Variants in BMP6 observed in about 807,000 individuals in gnomAD.
BMP6 encodes bone morphogenetic protein 6, also known as VG-1-R.
A neutral mutation model predicts 54.1 loss-of-function variants in BMP6; 17 were observed. That is an observed-to-expected ratio of 0.31 (90% CI 0.22 to 0.47). BMP6 has a LOEUF of 0.47. BMP6 is among the 20% of genes least tolerant of loss of function. The pLI is 1.00. For missense variants in BMP6, 720 were observed against 690.4 expected (o/e 1.04, Z -0.48); for synonymous variants, 328 against 291.2 (o/e 1.13, Z -1.28).
chr6:7,862,925 A>G (rs1247150527), intron 4 of BMP6, among the ~76,000 whole-genome samples: 4 of 152,018 alleles, frequency 2.6e-5, no homozygotes, highest in African/African-American at 4.8e-5. Context: ...GCTGGAAGGG[A>G]AGGAAGGTCA....
rs186036144 is a variant in BMP6, at chr6:7,755,780, A to G, written c.664+28161A>G. ...TTTTATTTATCTGAAAAAATTCTCT[A>G]TCTGTGTTGTGGAAAGATATTCACT... On this transcript the variant is annotated intron_variant, in intron 1 of 6. Coordinates refer to ENST00000283147, the MANE Select transcript of BMP6 (RefSeq NM_001718.6). Among the ~76,000 whole-genome samples, 8 of 152,016 alleles carry G rather than the reference A, an allele frequency of 5.3e-5. No homozygotes were observed. The East Asian group carries it at 1.5e-3, about 29-fold the overall frequency.
intron 4 of BMP6, among the ~76,000 whole-genome samples, chr6:7,877,864 G>T (rs1043073383): frequency 6.6e-6 from 1 of 152,108 alleles, no homozygotes; most frequent in Non-Finnish European, 1.5e-5. Context: ...TTCTCTCTCC[G>T]TCGTTTCTCG....
At position 7,726,527 on chromosome 6, in the gene BMP6, C is replaced by T. The variant is rs1761726024; in HGVS notation, c.-429C>T. On this transcript the variant is annotated 5_prime_UTR_variant, in exon 1 of 7. Transcript: ENST00000283147. ...CCGCAGCTCGTGAGCGGCCCCGCTC[C>T]CCGCTGCCCCGGGTCCCACTCAGTC... Among the ~76,000 whole-genome samples, 1 of 152,164 alleles carries T rather than the reference C, an allele frequency of 6.6e-6. No individual in the cohort carries two copies. Among genetic ancestry groups the T allele is most frequent in the South Asian group, 2.1e-4 (1 of 4,834 alleles).
intron 4 of BMP6, among the ~76,000 whole-genome samples, chr6:7,870,037 A>G (rs1561797194): frequency 6.6e-6 from 1 of 152,132 alleles, no homozygotes; most frequent in Non-Finnish European, 1.5e-5. Flanking sequence ...CTCAAGGACA[A>G]GAAGACTCCA....
chr6:7,771,704 A>G (rs952292346), intron 1 of BMP6, among the ~76,000 whole-genome samples: 2 of 152,070 alleles, frequency 1.3e-5, no homozygotes, highest in Middle Eastern at 3.2e-3. Context: ...AGGGTGGTGC[A>G]GGGCAGGCTG....
intron 1 of BMP6, among the ~76,000 whole-genome samples, chr6:7,730,589 T>C (rs753862656): frequency 6.6e-5 from 10 of 152,200 alleles, no homozygotes; most frequent in Non-Finnish European, 1.3e-4. Context: ...TATTTCATCT[T>C]AATCCATGTA....
intron 2 of BMP6, among the ~76,000 whole-genome samples, chr6:7,849,303 G>A (rs1017379099): frequency 5.9e-5 from 9 of 152,188 alleles, no homozygotes; most frequent in African/African-American, 2.2e-4. Context: ...AAACTTTGTT[G>A]ATCTCTTGAC....
chr6:7,745,392 G>A (rs1757331712), intron 1 of BMP6, among the ~76,000 whole-genome samples: 1 of 152,098 alleles, frequency 6.6e-6, no homozygotes, highest in African/African-American at 2.4e-5. Flanking sequence ...TCCCACCCTA[G>A]CCTCCTGAGT....
At chr6:7,731,443 A>T (rs1201808584) in intron 1 of BMP6, among the ~76,000 whole-genome samples, 1 of 152,082 alleles carries the variant, frequency 6.6e-6, no homozygotes, top group African/African-American at 2.4e-5. Flanking sequence ...CCTTGTACTT[A>T]TCACAAGTTT....
At position 7,813,675 on chromosome 6, in the gene BMP6, C is replaced by A. The variant is rs1393473038; in HGVS notation, c.665-31465C>A. 1.2e-3 allele frequency among the ~76,000 whole-genome samples: 121 copies of A among 97,524 alleles called. 34 individuals are homozygous for A. Among genetic ancestry groups the A allele is most frequent in the Non-Finnish European group, 1.5e-3 (72 of 49,024 alleles). 64.0% of individuals were successfully genotyped at this position (97,524 alleles called of 152,430 possible). A position where few individuals can be genotyped will look rare whatever the true frequency, so the allele number is the denominator to read the frequency against. On this transcript the variant is annotated intron_variant, in intron 1 of 6. Coordinates refer to ENST00000283147, the MANE Select transcript of BMP6 (RefSeq NM_001718.6). ...AAAAAAAAAAAAAAAAAAAACCCAC[C>A]AAACCCAGTATAGAAAATATATATT...
chr6:7,842,935 A>G (rs886838106), intron 1 of BMP6, among the ~76,000 whole-genome samples: 10 of 152,234 alleles, frequency 6.6e-5, no homozygotes, highest in Admixed American at 2.0e-4. Flanking sequence ...TAATATTACA[A>G]TTAGGCCTCC....
chr6:7,809,397 C>T (rs1758403163), intron 1 of BMP6, among the ~76,000 whole-genome samples: 2 of 152,092 alleles, frequency 1.3e-5, no homozygotes, highest in African/African-American at 4.8e-5. Flanking sequence ...CTCTTGCACT[C>T]AATCCAGGTT....
At chr6:7,768,024 G>A (rs1757718760) in intron 1 of BMP6, among the ~76,000 whole-genome samples, 2 of 152,138 alleles carry the variant, frequency 1.3e-5, no homozygotes, top group South Asian at 4.1e-4. Context: ...CCCCGCTTGG[G>A]TGGGACAGGA....
chr6:7,771,977 C>T (rs1757795392), intron 1 of BMP6, among the ~76,000 whole-genome samples: 1 of 151,316 alleles, frequency 6.6e-6, no homozygotes, highest in African/African-American at 2.4e-5. Context: ...TTGCTTGAAC[C>T]TGGGAGGTGG....
chr6:7,838,339 G>A (rs1472896488), intron 1 of BMP6, among the ~76,000 whole-genome samples: 1 of 152,096 alleles, frequency 6.6e-6, no homozygotes, highest in African/African-American at 2.4e-5. Context: ...GCATCCATTG[G>A]GGCCCTTGGA....
chr6:7,838,772 C>A (rs1254781951), intron 1 of BMP6, among the ~76,000 whole-genome samples: 5 of 152,042 alleles, frequency 3.3e-5, no homozygotes, highest in Non-Finnish European at 7.4e-5. Context: ...GAAACCTCGT[C>A]TCTACTAAAA....
At chr6:7,727,644 A>T (rs1278424658) in intron 1 of BMP6, 25 bp downstream of exon 1, 1 of 1,502,708 alleles carries the variant, frequency 6.7e-7, no homozygotes, top group Non-Finnish European at 8.8e-7. Context: ...TAACGTAATG[A>T]CGAGAACATT....
At chr6:7,874,013 A>G (rs1194152000) in intron 4 of BMP6, among the ~76,000 whole-genome samples, 1 of 152,100 alleles carries the variant, frequency 6.6e-6, no homozygotes, top group Non-Finnish European at 1.5e-5. Context: ...GTGATCATGC[A>G]GTTTATCATC....
intron 4 of BMP6, among the ~76,000 whole-genome samples, chr6:7,868,682 TG>T (rs1237230235): frequency 6.6e-5 from 10 of 152,350 alleles, no homozygotes; most frequent in Admixed American, 3.3e-4. Flanking sequence ...TCAGGAAAGC[TG>T]GGAAATACAT....
Sources: gnomAD v4.1 joint callset for allele counts (sites outside exome capture counted in the v4.1 genomes callset) on GRCh38, gnomAD v4.1.1 for gene constraint, MANE v1.5 for transcripts, NCBI Gene and HGNC (gene_info 2026-07-23, HGNC 2026-07-21) for gene names.